The following POLR3G variants were observed in gnomAD, a reference collection of about 807,000 sequenced individuals.
The protein encoded by POLR3G is DNA-directed RNA polymerase III subunit RPC7.
In POLR3G, 28 loss-of-function variants were observed where a neutral mutation model predicts 30.1. The ratio of observed to expected loss-of-function variants is 0.93; its 90% confidence interval spans 0.69 to 1.27. The LOEUF (loss-of-function observed/expected upper bound fraction) is 1.27, where lower values mean the gene tolerates loss of function less well. Among genes scored for constraint, POLR3G ranks in the 50% most tolerant of loss-of-function variants. The pLI is 0.00. For missense variants in POLR3G, 254 were observed against 264.6 expected (o/e 0.96, Z 0.28); for synonymous variants, 79 against 82.5 (o/e 0.96, Z 0.23).
intron 3 of POLR3G, among the ~76,000 whole-genome samples, chr5:90,489,205 G>A (rs1276579761): frequency 2.0e-5 from 3 of 150,878 alleles, no homozygotes; most frequent in Non-Finnish European, 4.4e-5. Flanking sequence ...AAACATAGCT[G>A]CTTTAAGTTA....
intron 3 of POLR3G, among the ~76,000 whole-genome samples, chr5:90,489,677 A>C (rs1296070475): frequency 6.6e-6 from 1 of 152,240 alleles, no homozygotes; most frequent in African/African-American, 2.4e-5. Context: ...CAAATGAACT[A>C]ATCAGTATTC....
chr5:90,476,007 GGCCAGAA>G (rs1231678923), intron 1 of POLR3G, among the ~76,000 whole-genome samples: 3 of 152,130 alleles, frequency 2.0e-5, no homozygotes, highest in African/African-American at 7.2e-5. Flanking sequence ...CACTACACCC[GGCCAGAA>G]GCATCTATTT....
chr5:90,474,070 G>A (rs751304644), upstream of POLR3G: 4 of 1,576,304 alleles, frequency 2.5e-6, no homozygotes, highest in South Asian at 3.5e-5. Flanking sequence ...AGCAGTGGCC[G>A]GCGCGCCGCG....
In POLR3G at chr5:90,485,683, C is replaced by T. The variant is rs202063059; in HGVS notation, c.116C>T (p.Pro39Leu). The T allele has an allele frequency of 2.0e-4, 319 of 1,602,692 alleles. No individual in the cohort carries two copies. The highest frequency in any genetic ancestry group is 2.6e-4 in the Non-Finnish European group (310 of 1,171,132). The change falls in exon 2 of 8, where the codon CCT becomes CTT. Residue 39 changes from proline to leucine, a missense_variant and splice_region_variant. By Grantham distance (98) the Pro-to-Leu change is moderately conservative (BLOSUM62 -3). Transcript: ENST00000651687. ...GTGTTGAAACCACCCCCACTATTTC[C>T]TGTAAGTATATGAACAGTTGAATTC... Reference protein sequence around the residue: ...DVVLKPPPLFPDTDYKPVPLK... With the variant: ...DVVLKPPPLFLDTDYKPVPLK...
Position 90,495,714 on chromosome 5 carries a change from C to T in POLR3G, c.285C>T (p.Tyr95=), listed in dbSNP as rs759168414. 4.4e-6 allele frequency: 7 copies of T among 1,597,266 alleles called. No homozygotes were observed. The Admixed American group carries it at 6.9e-5, about 16-fold the overall frequency. The change falls in exon 4 of 8, where the codon TAC becomes TAT. Residue 95 remains tyrosine, a synonymous_variant. Transcript: ENST00000651687. The part of the protein sequence containing the change: ...ERYSKRYMKV[Y]KEEWIPDWRR... The stretch of plus-strand genomic sequence containing the variant: ...ATAGTAAAAGATACATGAAGGTATA[C>T]AAGGAAGAATGGATACCAGGTAACT...
chr5:90,498,121 CACTG>C (rs1752075954), intron 5 of POLR3G, among the ~76,000 whole-genome samples: 1 of 151,978 alleles, frequency 6.6e-6, no homozygotes, highest in Non-Finnish European at 1.5e-5. Flanking sequence ...CTGTCTAGGA[CACTG>C]ACTCTCTCCC....
At chr5:90,495,642 T>C in intron 3 of POLR3G, 35 bp from the exon 4 acceptor site, 6 of 1,594,896 alleles carry the variant, frequency 3.8e-6, no homozygotes, top group Non-Finnish European at 5.1e-6. Flanking sequence ...TACTGTTGAT[T>C]TTCCTAATGA....
intron 6 of POLR3G, among the ~76,000 whole-genome samples, chr5:90,504,785 A>G (rs1752413000): frequency 6.6e-6 from 1 of 152,170 alleles, no homozygotes; most frequent in South Asian, 2.1e-4. Context: ...ATACCATCAA[A>G]TATGTGTGTG....
chr5:90,478,173 G>A (rs1750932938), intron 1 of POLR3G, among the ~76,000 whole-genome samples: 1 of 150,898 alleles, frequency 6.6e-6, no homozygotes, highest in Non-Finnish European at 1.5e-5. Flanking sequence ...CTGCTAGGAC[G>A]TTGTTTTGGT....
In POLR3G at chr5:90,512,613, A is replaced by G. The variant is rs1752792328; in HGVS notation, c.*474A>G. 1 of 153,918 alleles carries G rather than the reference A, an allele frequency of 6.5e-6. No homozygotes were observed. Among genetic ancestry groups the G allele is most frequent in the Non-Finnish European group, 1.5e-5 (1 of 68,822 alleles). 9.5% of individuals were successfully genotyped at this position (153,918 alleles called of 1,614,324 possible). A position where few individuals can be genotyped will look rare whatever the true frequency, so the allele number is the denominator to read the frequency against. On this transcript the variant is annotated 3_prime_UTR_variant, in exon 8 of 8. Coordinates refer to ENST00000651687, the MANE Select transcript of POLR3G (RefSeq NM_006467.3). ...TTTACCTTTACATGGTGTGTTCTAG[A>G]CTACTGCATTATGACTACATAAACC...
intron 3 of POLR3G, among the ~76,000 whole-genome samples, chr5:90,493,579 T>G (rs1416500673): frequency 1.3e-5 from 2 of 151,728 alleles, no homozygotes; most frequent in Non-Finnish European, 2.9e-5. Context: ...ACAGCTTTAC[T>G]GAGACATAAT....
At chr5:90,495,269 G>A (rs1751927668) in intron 3 of POLR3G, among the ~76,000 whole-genome samples, 1 of 152,072 alleles carries the variant, frequency 6.6e-6, no homozygotes. Flanking sequence ...GATGAACATG[G>A]CTTCAAGCTT....
chr5:90,495,543 G>T, intron 3 of POLR3G, 134 bp from the exon 4 acceptor site: 1 of 1,412,216 alleles, frequency 7.1e-7, no homozygotes, highest in East Asian at 2.9e-5. Flanking sequence ...ATTCTCTTAT[G>T]TACAAAGGTG....
chr5:90,493,381 G>A (rs2151907815), intron 3 of POLR3G, among the ~76,000 whole-genome samples: 1 of 151,990 alleles, frequency 6.6e-6, no homozygotes, highest in East Asian at 1.9e-4. Context: ...CAAGTAGCTG[G>A]AACCACTGGC....
rs1491161002 is a variant in POLR3G, at chr5:90,512,321, C to CTT, written c.*183_*184insTT. 1.5e-5 allele frequency: 8 copies of CTT among 535,124 alleles called. No homozygotes were observed. The Admixed American group carries it at 2.5e-4, about 17-fold the overall frequency. 33.1% of individuals were successfully genotyped at this position (535,124 alleles called of 1,614,324 possible). On this transcript the variant is annotated 3_prime_UTR_variant, in exon 8 of 8. Transcript: ENST00000651687. The stretch of plus-strand genomic sequence containing the variant: ...TACTAGTTACCTTAAAAATTATTCC[C>CTT]TGACACTCTGACATTCCTTCTAAAC...
At chr5:90,500,882 A>G (rs1177039937) in intron 5 of POLR3G, among the ~76,000 whole-genome samples, 1 of 152,156 alleles carries the variant, frequency 6.6e-6, no homozygotes, top group Non-Finnish European at 1.5e-5. Flanking sequence ...TTTGGAAAAG[A>G]GCTGTAATAC....
At chr5:90,474,650 C>T, upstream of POLR3G, 1 of 300,592 alleles carries the variant, frequency 3.3e-6, no homozygotes, top group South Asian at 3.2e-5. Context: ...TTTCGCCACC[C>T]CGGGCGTGTG....
At chr5:90,481,901 A>G (rs1023623194) in intron 1 of POLR3G, among the ~76,000 whole-genome samples, 16 of 152,198 alleles carry the variant, frequency 1.1e-4, no homozygotes, top group Non-Finnish European at 1.6e-4. Flanking sequence ...TGAAGAGTTT[A>G]AAATAATCTG....
chr5:90,507,563 A>G (rs542055356), intron 7 of POLR3G, among the ~76,000 whole-genome samples: 10 of 152,304 alleles, frequency 6.6e-5, no homozygotes, highest in South Asian at 2.1e-4. Flanking sequence ...GGTATCAGCT[A>G]TTAGATTCTC....
Sources: allele counts gnomAD v4.1 joint callset (sites outside exome capture counted in the v4.1 genomes callset), GRCh38; gene constraint gnomAD v4.1.1; transcripts MANE v1.5; gene names NCBI Gene and HGNC (gene_info 2026-07-23, HGNC 2026-07-21).